RIMS2: variants seen among roughly 807,000 people sequenced by gnomAD.
The protein encoded by RIMS2 is regulating synaptic membrane exocytosis protein 2.
In RIMS2, 59 loss-of-function variants were observed where a neutral mutation model predicts 174.4. The ratio of observed to expected loss-of-function variants is 0.34; its 90% confidence interval spans 0.27 to 0.42. The LOEUF (loss-of-function observed/expected upper bound fraction) is 0.42, where lower values mean the gene tolerates loss of function less well. RIMS2 is among the 10% of genes least tolerant of loss of function. RIMS2 has a pLI of 1.00. For synonymous variants in RIMS2, 606 were observed against 572.5 expected (o/e 1.06, Z -0.84); for missense variants, 1,620 against 1,666.3 (o/e 0.97, Z 0.48).
chr8:104,217,040 T>A (rs1377984343), intron 19 of RIMS2, among the ~76,000 whole-genome samples: 1 of 152,218 alleles, frequency 6.6e-6, no homozygotes, highest in East Asian at 1.9e-4. Flanking sequence ...TCCAGATATT[T>A]ATTCTTCCCC....
chr8:103,961,675 T>C (rs1311227093), intron 15 of RIMS2, among the ~76,000 whole-genome samples: 1 of 152,176 alleles, frequency 6.6e-6, no homozygotes, highest in African/African-American at 2.4e-5. Context: ...TTCTGCAAGT[T>C]CTGATGACAA....
intron 19 of RIMS2, among the ~76,000 whole-genome samples, chr8:104,157,855 T>C (rs550474512): frequency 9.8e-4 from 150 of 152,298 alleles, no homozygotes; most frequent in Non-Finnish European, 1.6e-3. Context: ...AATTGCTGGA[T>C]CATATGATAA....
chr8:104,092,618 C>G (rs2097682143), intron 19 of RIMS2, among the ~76,000 whole-genome samples: 1 of 151,572 alleles, frequency 6.6e-6, no homozygotes, highest in African/African-American at 2.4e-5. Context: ...TTTTAAGAAG[C>G]CTTTTACAGG....
intron 2 of RIMS2, among the ~76,000 whole-genome samples, chr8:103,764,155 TGTGAA>T (rs1382570610): frequency 2.6e-5 from 4 of 152,206 alleles, no homozygotes; most frequent in African/African-American, 9.6e-5. Flanking sequence ...CTGCTTACCT[TGTGAA>T]AAATTTTATT....
At chr8:103,893,563 T>A (rs979506077) in intron 4 of RIMS2, among the ~76,000 whole-genome samples, 2 of 152,122 alleles carry the variant, frequency 1.3e-5, no homozygotes, top group Admixed American at 6.6e-5. Flanking sequence ...TGGGCACAAT[T>A]CAGCCCATCA....
chr8:103,605,680 C>G (rs2095033752), intron 1 of RIMS2, among the ~76,000 whole-genome samples: 1 of 152,108 alleles, frequency 6.6e-6, no homozygotes, highest in Non-Finnish European at 1.5e-5. Flanking sequence ...ATTTCTGATC[C>G]TGTTATTGAT....
chr8:104,112,953 T>G (rs567371956), intron 19 of RIMS2, among the ~76,000 whole-genome samples: 5 of 152,202 alleles, frequency 3.3e-5, no homozygotes, highest in African/African-American at 9.6e-5. Flanking sequence ...TAGGTAAAAT[T>G]TAGTGCCCTT....
chr8:103,980,877 A>G (rs2154549181), intron 16 of RIMS2, among the ~76,000 whole-genome samples: 1 of 152,230 alleles, frequency 6.6e-6, no homozygotes, highest in South Asian at 2.1e-4. Flanking sequence ...GAAGGACTTT[A>G]TATTGTGGTT....
intron 14 of RIMS2, among the ~76,000 whole-genome samples, chr8:103,953,665 C>T (rs1225799625): frequency 6.6e-6 from 1 of 152,086 alleles, no homozygotes; most frequent in Non-Finnish European, 1.5e-5. Flanking sequence ...TTGTAAAGAC[C>T]ATCGACATTA....
At chr8:104,037,239 A>G (rs2096535846) in intron 19 of RIMS2, among the ~76,000 whole-genome samples, 1 of 152,104 alleles carries the variant, frequency 6.6e-6, no homozygotes, top group Admixed American at 6.6e-5. Context: ...TATTTTTTGA[A>G]AGGTATCTCT....
intron 19 of RIMS2, among the ~76,000 whole-genome samples, chr8:104,109,244 C>T (rs1444762630): frequency 6.8e-6 from 1 of 147,644 alleles, no homozygotes; most frequent in East Asian, 2.0e-4. Flanking sequence ...TTGCAGTGAG[C>T]CGAGATGGCA....
chr8:104,189,320 A>C (rs990037305), intron 19 of RIMS2, among the ~76,000 whole-genome samples: 1 of 151,820 alleles, frequency 6.6e-6, no homozygotes, highest in African/African-American at 2.4e-5. Flanking sequence ...ACCACCTACA[A>C]ACACAGGTCT....
At chr8:103,571,608 A>T (rs1487035218) in intron 1 of RIMS2, among the ~76,000 whole-genome samples, 1 of 152,220 alleles carries the variant, frequency 6.6e-6, no homozygotes, top group Non-Finnish European at 1.5e-5. Context: ...CTATATGTGT[A>T]TATATGCATT....
chr8:103,906,817 G>C (rs2074520941), intron 4 of RIMS2, among the ~76,000 whole-genome samples: 1 of 152,114 alleles, frequency 6.6e-6, no homozygotes, highest in Admixed American at 6.6e-5. Context: ...ACTGTATTTT[G>C]AAAGGGCTAC....
chr8:103,899,879 C>A (rs1332257594), intron 4 of RIMS2, among the ~76,000 whole-genome samples: 4 of 151,738 alleles, frequency 2.6e-5, no homozygotes, highest in Non-Finnish European at 5.9e-5. Flanking sequence ...TTTAATCCAT[C>A]TTGAATTAAT....
chr8:104,120,835 T>G (rs564908622), intron 19 of RIMS2, among the ~76,000 whole-genome samples: 1 of 152,254 alleles, frequency 6.6e-6, no homozygotes, highest in Admixed American at 6.5e-5. Flanking sequence ...GTGAGAGCAT[T>G]GCTTATAGGA....
intron 3 of RIMS2, among the ~76,000 whole-genome samples, chr8:103,777,927 A>G (rs1446607402): frequency 1.3e-5 from 2 of 151,990 alleles, no homozygotes; most frequent in African/African-American, 4.8e-5. Context: ...AAAATTGGGT[A>G]TAAACTGGCT....
At chr8:104,227,959 T>C (rs1215350961) in intron 19 of RIMS2, among the ~76,000 whole-genome samples, 1 of 152,018 alleles carries the variant, frequency 6.6e-6, no homozygotes, top group African/African-American at 2.4e-5. Flanking sequence ...TAAAATAAAA[T>C]TGACTAAATA....
At chr8:103,785,689 T>A (rs1296166465) in intron 3 of RIMS2, among the ~76,000 whole-genome samples, 1 of 152,136 alleles carries the variant, frequency 6.6e-6, no homozygotes, top group Non-Finnish European at 1.5e-5. Flanking sequence ...TTATTGAGGA[T>A]TTTTGCATCA....
Sources: gnomAD v4.1 joint callset for allele counts (sites outside exome capture counted in the v4.1 genomes callset) on GRCh38, gnomAD v4.1.1 for gene constraint, MANE v1.5 for transcripts, NCBI Gene and HGNC (gene_info 2026-07-23, HGNC 2026-07-21) for gene names.